BCL7C: variants seen among roughly 807,000 people sequenced by gnomAD.
BCL7C encodes the protein BAF chromatin remodeling complex subunit BCL7C.
In BCL7C, 8 loss-of-function variants were observed where a neutral mutation model predicts 26.2. That is an observed-to-expected ratio of 0.30 (90% CI 0.18 to 0.55). The LOEUF is 0.55. BCL7C is among the 20% of genes least tolerant of loss of function. The pLI, the probability that BCL7C is intolerant of heterozygous loss-of-function variation, is 0.93. For synonymous variants in BCL7C, 90 were observed against 116.5 expected, an observed-to-expected ratio of 0.77 and a Z score of 1.47; for missense variants, 262 against 298.5, an observed-to-expected ratio of 0.88 and a Z score of 0.90.
chr16:30,852,535 A>C (rs2054684857), intron 5 of BCL7C, among the ~76,000 whole-genome samples: 1 of 135,354 alleles, frequency 7.4e-6, no homozygotes, highest in Admixed American at 8.4e-5. Context: ...TTTGGCGCCC[A>C]GGTTGGAGTG....
intron 5 of BCL7C, among the ~76,000 whole-genome samples, chr16:30,867,988 C>T (rs2054843829): frequency 6.6e-6 from 1 of 151,736 alleles, no homozygotes; most frequent in African/African-American, 2.4e-5. Context: ...CTGAAGACAC[C>T]CTGATTTGAT....
chr16:30,871,566 C>T (rs1465834358), intron 5 of BCL7C, among the ~76,000 whole-genome samples: 3 of 151,960 alleles, frequency 2.0e-5, no homozygotes, highest in Non-Finnish European at 4.4e-5. Context: ...CTCACTGCAA[C>T]CTTCACCTCC....
intron 5 of BCL7C, among the ~76,000 whole-genome samples, chr16:30,849,537 G>T (rs551124868): frequency 6.6e-6 from 1 of 151,512 alleles, no homozygotes; most frequent in Non-Finnish European, 1.5e-5. Flanking sequence ...CTGCAACCCC[G>T]GCATCCTGGG....
chr16:30,887,710 G>A, downstream of BCL7C: 1 of 1,270,906 alleles, frequency 7.9e-7, no homozygotes, highest in African/African-American at 1.6e-5. Context: ...GAGCCTCAGT[G>A]ACCACATCTG....
downstream of BCL7C, among the ~76,000 whole-genome samples, chr16:30,886,833 C>T (rs1160368221): frequency 6.6e-6 from 1 of 152,118 alleles, no homozygotes; most frequent in African/African-American, 2.4e-5. Context: ...ATGGGTTGGT[C>T]ATCCCAGGCC....
At chr16:30,836,785 C>T (rs1237482115) in intron 5 of BCL7C, among the ~76,000 whole-genome samples, 1 of 150,816 alleles carries the variant, frequency 6.6e-6, no homozygotes, top group Non-Finnish European at 1.5e-5. Context: ...AAGACTCCAT[C>T]TCTTTGTATT....
chr16:30,870,636 G>C (rs534613348), intron 5 of BCL7C, among the ~76,000 whole-genome samples: 1 of 152,228 alleles, frequency 6.6e-6, no homozygotes, highest in East Asian at 1.9e-4. Flanking sequence ...ACTCCAGCCT[G>C]AGTGACAGAG....
At chr16:30,888,586 C>G (rs1567323765) in intron 5 of BCL7C, 1 of 258,178 alleles carries the variant, frequency 3.9e-6, no homozygotes, top group Admixed American at 5.2e-5. Context: ...CCACCCGCCT[C>G]CGCCTCCCAA....
At chr16:30,840,023 T>C (rs779046773) in intron 5 of BCL7C, among the ~76,000 whole-genome samples, 1 of 152,156 alleles carries the variant, frequency 6.6e-6, no homozygotes, top group Non-Finnish European at 1.5e-5. Context: ...TTTACTTTTA[T>C]GCAGGTAGAG....
intron 5 of BCL7C, among the ~76,000 whole-genome samples, chr16:30,861,531 T>C (rs1292997379): frequency 2.6e-5 from 4 of 152,196 alleles, no homozygotes; most frequent in African/African-American, 9.6e-5. Flanking sequence ...GAAATTAGAC[T>C]GTCCAACTCG....
intron 5 of BCL7C, among the ~76,000 whole-genome samples, chr16:30,858,313 G>A (rs2054741606): frequency 6.6e-6 from 1 of 152,180 alleles, no homozygotes; most frequent in South Asian, 2.1e-4. Context: ...CAGTACCCTG[G>A]AGGAAGGTCC....
At chr16:30,890,153 T>G (rs1460166754) in intron 4 of BCL7C, among the ~76,000 whole-genome samples, 1 of 151,720 alleles carries the variant, frequency 6.6e-6, no homozygotes, top group East Asian at 1.9e-4. Context: ...CCCAGCACTT[T>G]GGGAGGCCGA....
intron 5 of BCL7C, among the ~76,000 whole-genome samples, chr16:30,860,149 C>A (rs1173032915): frequency 6.6e-6 from 1 of 152,226 alleles, no homozygotes; most frequent in Non-Finnish European, 1.5e-5. Flanking sequence ...ACAAAGGAGA[C>A]ACATTTTATC....
At position 30,865,153 on chromosome 16, in the gene BCL7C, C is replaced by T. The variant is rs546310367; in HGVS notation, c.528+23707G>A. On this transcript the variant is annotated intron_variant, in intron 5 of 5. Coordinates refer to the BCL7C transcript ENST00000380317. The stretch of plus-strand genomic sequence containing the variant: ...ACTGCACTCTATCCAGCCTGGGCAA[C>T]GGAGCAAGACCTCCAACTCAAAAAA... Among the ~76,000 whole-genome samples the T allele has an allele frequency of 1.8e-4, 24 of 131,902 alleles. No homozygotes were observed. The South Asian group carries it at 2.2e-3, about 12-fold the overall frequency. 86.5% of individuals were successfully genotyped at this position (131,902 alleles called of 152,430 possible).
At chr16:30,877,785 A>G (rs1596610149) in intron 5 of BCL7C, among the ~76,000 whole-genome samples, 2 of 152,172 alleles carry the variant, frequency 1.3e-5, no homozygotes, top group African/African-American at 4.8e-5. Flanking sequence ...TGTTGCCAAC[A>G]TGTTCAACAC....
downstream of BCL7C, among the ~76,000 whole-genome samples, chr16:30,884,320 C>T (rs1048444520): frequency 9.2e-5 from 14 of 151,902 alleles, no homozygotes; most frequent in African/African-American, 3.1e-4. Flanking sequence ...GCCTCAGGGA[C>T]AGGAGAGTCT....
At chr16:30,880,435 C>T (rs986615753) in intron 5 of BCL7C, among the ~76,000 whole-genome samples, 3 of 151,716 alleles carry the variant, frequency 2.0e-5, no homozygotes, top group Admixed American at 6.6e-5. Flanking sequence ...CGCGGTGGCT[C>T]ATGCCTGTAA....
At chr16:30,860,823 A>G (rs933459799) in intron 5 of BCL7C, among the ~76,000 whole-genome samples, 7 of 151,926 alleles carry the variant, frequency 4.6e-5, no homozygotes, top group African/African-American at 1.5e-4. Context: ...CTCCTTTTCT[A>G]TGAACCTATC....
At chr16:30,865,528 T>C (rs2054817702) in intron 5 of BCL7C, among the ~76,000 whole-genome samples, 1 of 152,054 alleles carries the variant, frequency 6.6e-6, no homozygotes, top group African/African-American at 2.4e-5. Flanking sequence ...CAGTGAACTA[T>C]GATTATGCCA....
Sources: allele counts gnomAD v4.1 joint callset (sites outside exome capture counted in the v4.1 genomes callset), GRCh38; gene constraint gnomAD v4.1.1; transcripts MANE v1.5; gene names NCBI Gene and HGNC (gene_info 2026-07-23, HGNC 2026-07-21).